Variants in RARRES1 observed in about 807,000 individuals in gnomAD.
RARRES1 encodes the protein retinoic acid receptor responder protein 1.
RARRES1 carries 34 observed loss-of-function variants against 30.6 expected under a neutral mutation model. That is an observed-to-expected ratio of 1.11 (90% confidence interval 0.84 to 1.48). The LOEUF is 1.48. Among genes scored for constraint, RARRES1 ranks in the 40% most tolerant of loss-of-function variants. The probability of loss-of-function intolerance (pLI) is 0.00; values close to 1 mark genes in which losing one functional copy is unlikely to be tolerated. For missense variants in RARRES1, 373 were observed against 386.5 expected (o/e 0.97, Z 0.29); for synonymous variants, 153 against 155.5 (o/e 0.98, Z 0.12).
intron 4 of RARRES1, 41 bp from the exon 5 acceptor site, chr3:158,698,011 T>C (rs1416103463): frequency 7.4e-7 from 1 of 1,342,472 alleles, no homozygotes; most frequent in East Asian, 2.4e-5. Flanking sequence ...AATATGGTGG[T>C]ATTTAGTGTA....
At chr3:158,726,546 A>G (rs781220788) in intron 1 of RARRES1, among the ~76,000 whole-genome samples, 3 of 152,266 alleles carry the variant, frequency 2.0e-5, no homozygotes, top group African/African-American at 7.2e-5. Flanking sequence ...GTACCTCATT[A>G]CATAAGTAAA....
At chr3:158,713,576 T>G (rs547333588) in intron 2 of RARRES1, among the ~76,000 whole-genome samples, 46 of 152,316 alleles carry the variant, frequency 3.0e-4, no homozygotes, top group Admixed American at 9.8e-4. Context: ...TTATATGGAT[T>G]GTTTTAAATG....
Position 158,697,624 on chromosome 3 carries a change from T to C in RARRES1, c.*54A>G. 6.7e-7 allele frequency: 1 copy of C among 1,496,602 alleles called. No homozygotes were observed. The allele number at this position is 1,496,602 out of a possible 1,614,324, so 92.7% of individuals were successfully genotyped here. On this transcript the variant is annotated 3_prime_UTR_variant, in exon 6 of 6. Transcript: ENST00000237696. ...CTTAGCTGTTTTACTAGAAGAATGA[T>C]TTATGCTAGTATAGTCACTTGTTTA...
intron 1 of RARRES1, among the ~76,000 whole-genome samples, chr3:158,730,334 A>C (rs1352246431): frequency 1.4e-5 from 2 of 146,150 alleles, no homozygotes; most frequent in Non-Finnish European, 3.0e-5. Flanking sequence ...AAAAAAAAAA[A>C]AAAACAAAGA....
At chr3:158,704,209 ACT>A (rs1726831651) in intron 4 of RARRES1, among the ~76,000 whole-genome samples, 1 of 115,958 alleles carries the variant, frequency 8.6e-6, no homozygotes, top group African/African-American at 3.3e-5. Context: ...ATATTGCAAT[ACT>A]TTTTTTTTTT....
At chr3:158,718,205 C>A (rs1727387338) in intron 1 of RARRES1, among the ~76,000 whole-genome samples, 1 of 152,092 alleles carries the variant, frequency 6.6e-6, no homozygotes, top group South Asian at 2.1e-4. Flanking sequence ...GTCTTGATCT[C>A]CTGACCTCAT....
At chr3:158,698,358 T>G (rs1446433442) in intron 4 of RARRES1, 2 of 177,956 alleles carry the variant, frequency 1.1e-5, no homozygotes, top group Admixed American at 5.9e-5. Context: ...CACCATGGGC[T>G]GGGTTCTGTG....
At chr3:158,722,092 A>AAAAG (rs1727534058) in intron 1 of RARRES1, among the ~76,000 whole-genome samples, 1 of 151,378 alleles carries the variant, frequency 6.6e-6, no homozygotes, top group South Asian at 2.1e-4. Context: ...AACTCAAAAA[A>AAAAG]AAAAAAAAAA....
At chr3:158,730,419 T>TTC (rs1206997520) in intron 1 of RARRES1, among the ~76,000 whole-genome samples, 10 of 99,454 alleles carry the variant, frequency 1.0e-4, no homozygotes, top group Non-Finnish European at 1.5e-4. Flanking sequence ...TTCCTTCCTC[T>TTC]CTCTCTTTCT....
At chr3:158,716,320 T>A (rs1215480821) in intron 1 of RARRES1, among the ~76,000 whole-genome samples, 1 of 152,194 alleles carries the variant, frequency 6.6e-6, no homozygotes, top group East Asian at 1.9e-4. Context: ...ATGTGTAGAA[T>A]AAGAATCCTG....
At chr3:158,719,581 T>G (rs1294665429) in intron 1 of RARRES1, among the ~76,000 whole-genome samples, 1 of 152,094 alleles carries the variant, frequency 6.6e-6, no homozygotes, top group Admixed American at 6.5e-5. Flanking sequence ...CCTTACTTTT[T>G]GTGTGTTTAT....
intron 2 of RARRES1, 60 bp from the exon 3 acceptor site, chr3:158,710,993 C>T: frequency 6.8e-7 from 1 of 1,469,066 alleles, no homozygotes; most frequent in South Asian, 1.2e-5. Context: ...CACAAGCACA[C>T]ACAAGATTGA....
chr3:158,725,359 T>A (rs1028534372), intron 1 of RARRES1, among the ~76,000 whole-genome samples: 2 of 152,158 alleles, frequency 1.3e-5, no homozygotes, highest in African/African-American at 2.4e-5. Context: ...AAGTTTCAGG[T>A]TGGATTTGGG....
intron 4 of RARRES1, among the ~76,000 whole-genome samples, chr3:158,702,877 A>G (rs1451778568): frequency 5.9e-5 from 9 of 152,228 alleles, no homozygotes; most frequent in Non-Finnish European, 7.3e-5. Flanking sequence ...TTTGATAAGT[A>G]AAGACAAAAT....
At chr3:158,707,512 A>G (rs181788339) in intron 3 of RARRES1, among the ~76,000 whole-genome samples, 126 of 152,298 alleles carry the variant, frequency 8.3e-4, no homozygotes, top group Admixed American at 2.9e-3. Flanking sequence ...CCAAGGGTAT[A>G]AAAGGAGTCT....
rs1201725280 is a variant in RARRES1, at chr3:158,723,770, T to A, written c.276+8370A>T. Among the ~76,000 whole-genome samples, 1 of 152,196 alleles carries A rather than the reference T, an allele frequency of 6.6e-6. No individual in the cohort carries two copies. The highest frequency in any genetic ancestry group is 1.5e-5 in the Non-Finnish European group (1 of 68,038). On this transcript the variant is annotated intron_variant, in intron 1 of 5. Coordinates refer to ENST00000237696, the MANE Select transcript of RARRES1 (RefSeq NM_206963.2). This position sits in a 1 kb window ranked among gnomAD's most constrained non-coding sequence, Gnocchi z 4.4. ...GTGGGGATAATCAGAAAAGGCTGGT[T>A]GAGAGCAGGACATGAGGCTTCAGGT...
At chr3:158,722,246 T>C (rs1727541494) in intron 1 of RARRES1, among the ~76,000 whole-genome samples, 2 of 152,218 alleles carry the variant, frequency 1.3e-5, no homozygotes, top group South Asian at 4.1e-4. Flanking sequence ...TTAAAACTGT[T>C]CATTCTAATA....
intron 1 of RARRES1, 150 bp from the exon 2 acceptor site, chr3:158,714,009 C>G: frequency 5.4e-6 from 4 of 741,642 alleles, no homozygotes; most frequent in Non-Finnish European, 8.9e-6. Flanking sequence ...GAAGAAAGAT[C>G]TCAAATTTTG....
chr3:158,717,981 A>ATTT (rs10663483), intron 1 of RARRES1, among the ~76,000 whole-genome samples: 45,744 of 144,254 alleles, frequency 0.32, 7,349 homozygotes, highest in South Asian at 0.42. Context: ...TATTAAGACA[A>ATTT]TTTTTTTTTT....
Sources: gnomAD v4.1 joint callset for allele counts (sites outside exome capture counted in the v4.1 genomes callset) on GRCh38, gnomAD v4.1.1 for gene constraint, Gnocchi (gnomAD v3.1) non-coding constraint, MANE v1.5 for transcripts, NCBI Gene and HGNC (gene_info 2026-07-23, HGNC 2026-07-21) for gene names.